GRM5: variants seen among roughly 807,000 people sequenced by gnomAD.
GRM5 encodes glutamate metabotropic receptor 5, also known as metabotropic glutamate receptor 5.
A neutral mutation model predicts 83.1 loss-of-function variants in GRM5; 19 were observed. That is an observed-to-expected ratio of 0.23 (90% CI 0.16 to 0.34). GRM5 has a LOEUF of 0.34. Ranked by LOEUF, GRM5 falls within the 10% of genes least tolerant of loss-of-function variation. The probability of loss-of-function intolerance (pLI) is 1.00; values close to 1 mark genes in which losing one functional copy is unlikely to be tolerated. For synonymous variants in GRM5, 675 were observed against 633.6 expected, an observed-to-expected ratio of 1.07 and a Z score of -0.98; for missense variants, 1,160 against 1,588.3, an observed-to-expected ratio of 0.73 and a Z score of 4.58.
chr11:88,755,410 G>C (rs1240532633), intron 3 of GRM5, among the ~76,000 whole-genome samples: 6 of 152,168 alleles, frequency 3.9e-5, no homozygotes, highest in African/African-American at 4.8e-5. Flanking sequence ...TACCATATCT[G>C]TGTAGGTTAG....
At chr11:88,983,570 T>C (rs1939595335) in intron 2 of GRM5, among the ~76,000 whole-genome samples, 2 of 152,240 alleles carry the variant, frequency 1.3e-5, no homozygotes. Flanking sequence ...AAGTCTTTTT[T>C]ATAATATCTC....
At chr11:89,024,574 T>G (rs1430524988) in intron 2 of GRM5, among the ~76,000 whole-genome samples, 1 of 152,230 alleles carries the variant, frequency 6.6e-6, no homozygotes, top group Non-Finnish European at 1.5e-5. Context: ...TTTATGTATA[T>G]CTTATCACCT....
intron 3 of GRM5, among the ~76,000 whole-genome samples, chr11:88,817,186 G>A (rs1206956513): frequency 6.6e-6 from 1 of 152,008 alleles, no homozygotes; most frequent in African/African-American, 2.4e-5. Context: ...TCTTCAAATT[G>A]GTTTGGAATT....
intron 8 of GRM5, among the ~76,000 whole-genome samples, chr11:88,553,753 T>A (rs184218918): frequency 6.6e-6 from 1 of 152,282 alleles, no homozygotes; most frequent in East Asian, 1.9e-4. Flanking sequence ...GATGAATATA[T>A]TCTTGTCCTC....
intron 2 of GRM5, among the ~76,000 whole-genome samples, chr11:88,923,790 G>A (rs1227158344): frequency 1.3e-5 from 2 of 151,300 alleles, no homozygotes; most frequent in Admixed American, 6.6e-5. Flanking sequence ...TTGTATCCAT[G>A]TATCAAAATA....
At chr11:88,743,895 G>C (rs1942079502) in intron 3 of GRM5, among the ~76,000 whole-genome samples, 1 of 152,132 alleles carries the variant, frequency 6.6e-6, no homozygotes, top group African/African-American at 2.4e-5. Context: ...AGTAATTGCA[G>C]TTAATTGTCA....
Position 88,750,064 on chromosome 11 carries a change from T to C in GRM5, c.912-96661A>G, listed in dbSNP as rs983813590. On this transcript the variant is annotated intron_variant, in intron 3 of 9. Transcript: ENST00000305447. ...AAATAACCAGCTAGCATAATGATGATAGAATCAAATTCACATATATCAATA... is the reference window on the plus strand; with the variant it reads ...AAATAACCAGCTAGCATAATGATGACAGAATCAAATTCACATATATCAATA... 4.6e-5 allele frequency among the ~76,000 whole-genome samples: 7 copies of C among 152,014 alleles called. No homozygotes were observed. The East Asian group carries it at 5.8e-4, about 13-fold the overall frequency.
chr11:88,779,272 C>T (rs1942924178), intron 3 of GRM5, among the ~76,000 whole-genome samples: 1 of 152,204 alleles, frequency 6.6e-6, no homozygotes, highest in Non-Finnish European at 1.5e-5. Flanking sequence ...TAGCCTTTCA[C>T]AGCTGTTTGG....
rs1039504742 is a variant in GRM5, at chr11:88,596,019, A to G, written c.1563+1165T>C. Among the ~76,000 whole-genome samples the G allele has an allele frequency of 3.0e-4, 11 of 36,672 alleles. No individual in the cohort carries two copies. In the South Asian group the frequency reaches 0.018, roughly 58 times the overall value. The allele number at this position is 36,672 out of a possible 152,430, so 24.1% of individuals were successfully genotyped here. A position where few individuals can be genotyped will look rare whatever the true frequency, so the allele number is the denominator to read the frequency against. On this transcript the variant is annotated intron_variant, in intron 6 of 9. Coordinates refer to ENST00000305447, the MANE Select transcript of GRM5 (RefSeq NM_001143831.3). Reference sequence around the variant, plus strand: ...GCTTTATTTTTCATTGCTCTAGACTAAGCTTTAATCACTGGATGGCTATTT... The same window carrying G: ...GCTTTATTTTTCATTGCTCTAGACTGAGCTTTAATCACTGGATGGCTATTT...
chr11:88,577,449 A>G (rs1354391549), intron 7 of GRM5, among the ~76,000 whole-genome samples: 1 of 151,986 alleles, frequency 6.6e-6, no homozygotes, highest in Non-Finnish European at 1.5e-5. Context: ...ACAGCATTTC[A>G]CTCTTGAGCA....
intron 2 of GRM5, among the ~76,000 whole-genome samples, chr11:88,887,200 G>A (rs1030524004): frequency 6.6e-6 from 1 of 152,188 alleles, no homozygotes; most frequent in Admixed American, 6.6e-5. Flanking sequence ...TGTCCCATCA[G>A]CAGGAAAATT....
rs149154458 is a variant in GRM5 at position 88,834,281 on chromosome 11, C to T, written c.911+15625G>A. Among the ~76,000 whole-genome samples the T allele has an allele frequency of 7.4e-3, 1,125 of 151,668 alleles. 23 individuals are homozygous for T. The highest frequency in any genetic ancestry group is 0.072 in the East Asian group (372 of 5,166). On this transcript the variant is annotated intron_variant, in intron 3 of 9. Coordinates refer to ENST00000305447, the MANE Select transcript of GRM5 (RefSeq NM_001143831.3). ...ATGACAAAAGCAATTTAAAAAATTA[C>T]TTTTTGTAAAAAAATTGCCAAATAT... is the stretch of plus-strand genomic sequence containing the variant.
At chr11:88,724,510 T>G (rs1287162709) in intron 3 of GRM5, among the ~76,000 whole-genome samples, 1 of 152,182 alleles carries the variant, frequency 6.6e-6, no homozygotes, top group Non-Finnish European at 1.5e-5. Flanking sequence ...TCTATTTTAC[T>G]CACTAGTTTA....
At chr11:88,513,773 C>T (rs2135083544) in intron 9 of GRM5, among the ~76,000 whole-genome samples, 1 of 152,140 alleles carries the variant, frequency 6.6e-6, no homozygotes, top group East Asian at 1.9e-4. Context: ...AATAAACCTC[C>T]CTTGCCCACC....
At chr11:88,527,949 G>A (rs11020211) in intron 8 of GRM5, among the ~76,000 whole-genome samples, 2,699 of 152,088 alleles carry the variant, frequency 0.018, 89 homozygotes, top group African/African-American at 0.062. Flanking sequence ...GAGGGTGGGA[G>A]GAGAGTGAGG....
chr11:88,825,250 G>A (rs1282599611), intron 3 of GRM5, among the ~76,000 whole-genome samples: 3 of 150,818 alleles, frequency 2.0e-5, no homozygotes, highest in Non-Finnish European at 2.9e-5. Context: ...TTGAGTTAAG[G>A]TTTGTTATTT....
chr11:88,744,328 C>T (rs1287684056), intron 3 of GRM5, among the ~76,000 whole-genome samples: 1 of 152,154 alleles, frequency 6.6e-6, no homozygotes, highest in Non-Finnish European at 1.5e-5. Flanking sequence ...AACAGCTAGA[C>T]ATTCTGTGCA....
chr11:88,506,659 A>G lies in GRM5; in HGVS notation c.*1933T>C, dbSNP rs576060766. 3.3e-5 allele frequency: 5 copies of G among 152,320 alleles called. No homozygotes were observed. The highest frequency in any genetic ancestry group is 1.2e-4 in the African/African-American group (5 of 41,580). The allele number at this position is 152,320 out of a possible 1,614,324, so 9.4% of individuals were successfully genotyped here. On this transcript the variant is annotated 3_prime_UTR_variant, in exon 10 of 10. Coordinates refer to ENST00000305447, the MANE Select transcript of GRM5 (RefSeq NM_001143831.3). The stretch of plus-strand genomic sequence containing the variant: ...TTTTAAATTAATACTTTAGTACATT[A>G]ATGTTAGCTTTTAATGTTTTGTATT...
At chr11:89,063,643 C>A (rs1942044471) in intron 1 of GRM5, 1 of 152,220 alleles carries the variant, frequency 6.6e-6, no homozygotes, top group Admixed American at 6.5e-5. Flanking sequence ...GCAGAACAGC[C>A]GAGCTGAGGG....
Sources: gnomAD v4.1 joint callset for allele counts (sites outside exome capture counted in the v4.1 genomes callset) on GRCh38, gnomAD v4.1.1 for gene constraint, MANE v1.5 for transcripts, NCBI Gene and HGNC (gene_info 2026-07-23, HGNC 2026-07-21) for gene names.